Variants in R3HDM1 observed in about 807,000 individuals in gnomAD.
R3HDM1 encodes R3H domain-containing protein 1.
A neutral mutation model predicts 141.1 loss-of-function variants in R3HDM1; 46 were observed. The ratio of observed to expected loss-of-function variants is 0.33; its 90% CI spans 0.26 to 0.42. R3HDM1 has a LOEUF of 0.42. Ranked by LOEUF, R3HDM1 falls within the 10% of genes least tolerant of loss-of-function variation. The pLI is 1.00. For missense variants in R3HDM1, 1,184 were observed against 1,368.3 expected, an observed-to-expected ratio of 0.87 and a Z score of 2.12; for synonymous variants, 435 against 472.9, an observed-to-expected ratio of 0.92 and a Z score of 1.04.
At chr2:135,666,961 A>G (rs2067611354) in intron 19 of R3HDM1, 4 of 331,560 alleles carry the variant, frequency 1.2e-5, no homozygotes, top group Middle Eastern at 1.5e-3. Context: ...CAGTGCTTCT[A>G]TTGTACAAGC....
intron 19 of R3HDM1, chr2:135,669,235 C>T (rs2067967957): frequency 1.0e-6 from 1 of 985,202 alleles, no homozygotes; most frequent in South Asian, 4.7e-5. Context: ...AAGGACTGTT[C>T]CTCCCACAGA....
At chr2:135,538,805 G>A (rs952661622) in intron 1 of R3HDM1, among the ~76,000 whole-genome samples, 1 of 152,076 alleles carries the variant, frequency 6.6e-6, no homozygotes, top group Admixed American at 6.6e-5. Context: ...GTAGAGACGG[G>A]GTTTCACCAT....
At chr2:135,696,656 T>A (rs1204133581) in intron 21 of R3HDM1, among the ~76,000 whole-genome samples, 2 of 151,900 alleles carry the variant, frequency 1.3e-5, no homozygotes, top group African/African-American at 4.8e-5. Flanking sequence ...CACACCTGGC[T>A]AATTTTTTAA....
intron 11 of R3HDM1, among the ~76,000 whole-genome samples, chr2:135,637,950 T>C (rs1007703992): frequency 2.0e-5 from 3 of 152,172 alleles, no homozygotes; most frequent in Non-Finnish European, 4.4e-5. Flanking sequence ...CCACAGACAA[T>C]ACATAAGTGA....
intron 24 of R3HDM1, among the ~76,000 whole-genome samples, chr2:135,716,992 C>T (rs1414112803): frequency 6.8e-6 from 1 of 148,126 alleles, no homozygotes; most frequent in African/African-American, 2.5e-5. Context: ...ACACGGGGAG[C>T]AGTATTCACA....
intron 1 of R3HDM1, chr2:135,549,977 C>A: frequency 1.0e-6 from 1 of 964,604 alleles, no homozygotes; most frequent in Non-Finnish European, 1.2e-6. Context: ...TTCCTTTGTT[C>A]TTTGGTAAAG....
At chr2:135,677,144 A>G (rs749198758) in intron 20 of R3HDM1, among the ~76,000 whole-genome samples, 12 of 152,242 alleles carry the variant, frequency 7.9e-5, no homozygotes, top group Non-Finnish European at 1.3e-4. Context: ...CATATTCCAT[A>G]TAATTTCAGA....
At chr2:135,577,413 C>A (rs1574002248) in intron 1 of R3HDM1, among the ~76,000 whole-genome samples, 2 of 17,942 alleles carry the variant, frequency 1.1e-4, no homozygotes, top group East Asian at 1.1e-3. Context: ...AATTAAATGA[C>A]CAAAAAAAAA....
At chr2:135,663,434 A>C (rs1420944093) in intron 19 of R3HDM1, among the ~76,000 whole-genome samples, 1 of 152,080 alleles carries the variant, frequency 6.6e-6, no homozygotes, top group Non-Finnish European at 1.5e-5. Flanking sequence ...TTGTCCTTTC[A>C]GCTGTTTTAT....
chr2:135,633,403 A>C (rs909924342), intron 9 of R3HDM1, among the ~76,000 whole-genome samples: 1 of 152,188 alleles, frequency 6.6e-6, no homozygotes, highest in Non-Finnish European at 1.5e-5. Context: ...GTGACTCTCT[A>C]AGGTTTTCAA....
chr2:135,568,862 T>C (rs1188622247), intron 1 of R3HDM1: 3 of 152,180 alleles, frequency 2.0e-5, no homozygotes, highest in African/African-American at 7.2e-5. Flanking sequence ...TCTTGAGATT[T>C]CACTGCCCTA....
At chr2:135,706,417 T>C (rs1355163096) in intron 21 of R3HDM1, among the ~76,000 whole-genome samples, 2 of 152,030 alleles carry the variant, frequency 1.3e-5, no homozygotes, top group Admixed American at 1.3e-4. Flanking sequence ...CTTGGGTGTT[T>C]CTCGCAGAGG....
chr2:135,628,614 T>C (rs1360681053), intron 7 of R3HDM1, among the ~76,000 whole-genome samples: 4 of 152,044 alleles, frequency 2.6e-5, no homozygotes, highest in Non-Finnish European at 4.4e-5. Context: ...TTGCCTCCTT[T>C]CTTGTTTGTT....
chr2:135,558,935 A>G (rs927066940), intron 1 of R3HDM1: 1 of 846,508 alleles, frequency 1.2e-6, no homozygotes, highest in South Asian at 5.5e-5. Flanking sequence ...TGAAAGTCAA[A>G]ATGTAATTTA....
intron 1 of R3HDM1, among the ~76,000 whole-genome samples, chr2:135,571,547 A>G (rs933993170): frequency 3.3e-5 from 5 of 152,052 alleles, no homozygotes; most frequent in African/African-American, 1.2e-4. Flanking sequence ...ACTGGTCTCG[A>G]ACTCCTGAGC....
At chr2:135,696,582 C>G (rs899385437) in intron 21 of R3HDM1, among the ~76,000 whole-genome samples, 1 of 152,140 alleles carries the variant, frequency 6.6e-6, no homozygotes, top group Non-Finnish European at 1.5e-5. Context: ...GCCTCAACCT[C>G]CTGGGCTCAA....
At chr2:135,615,831 A>G (rs559203385) in intron 3 of R3HDM1, among the ~76,000 whole-genome samples, 7 of 152,226 alleles carry the variant, frequency 4.6e-5, no homozygotes, top group Non-Finnish European at 1.0e-4. Context: ...ATAATGAAGT[A>G]TATTTTATTT....
At chr2:135,691,677 T>C (rs1432165622) in intron 21 of R3HDM1, among the ~76,000 whole-genome samples, 1 of 151,838 alleles carries the variant, frequency 6.6e-6, no homozygotes, top group Admixed American at 6.6e-5. Flanking sequence ...CCTGTAATTC[T>C]AGCTACGTGG....
intron 3 of R3HDM1, chr2:135,606,327 G>A (rs2060044309): frequency 6.6e-6 from 1 of 152,164 alleles, no homozygotes; most frequent in Non-Finnish European, 1.5e-5. Context: ...TTTTGACATA[G>A]GCCCAGAAGT....
Sources: gnomAD v4.1 joint callset for allele counts (sites outside exome capture counted in the v4.1 genomes callset) on GRCh38, gnomAD v4.1.1 for gene constraint, MANE v1.5 for transcripts, NCBI Gene and HGNC (gene_info 2026-07-23, HGNC 2026-07-21) for gene names.